CHMP5: variants seen among roughly 807,000 people sequenced by gnomAD.
CHMP5 encodes the protein SNF7 domain containing 2.
A neutral mutation model predicts 33.0 loss-of-function variants in CHMP5; 17 were observed. The ratio of observed to expected loss-of-function variants is 0.52; its 90% CI spans 0.35 to 0.77. The LOEUF (loss-of-function observed/expected upper bound fraction) is 0.77, where lower values mean the gene tolerates loss of function less well. Among genes scored for constraint, CHMP5 ranks in the 30% least tolerant of loss-of-function variants. The pLI is 0.01. For missense variants in CHMP5, 216 were observed against 261.5 expected, an observed-to-expected ratio of 0.83 and a Z score of 1.20; for synonymous variants, 76 against 90.2, an observed-to-expected ratio of 0.84 and a Z score of 0.89.
chr9:33,280,723 G>A lies in CHMP5; in HGVS notation c.610-86G>A, dbSNP rs543851609. 2.1e-5 allele frequency: 26 copies of A among 1,232,464 alleles called. No individual in the cohort carries two copies. The African/African-American group carries it at 3.7e-4, about 17-fold the overall frequency. The allele number at this position is 1,232,464 out of a possible 1,614,324, so 76.3% of individuals were successfully genotyped here. ...TTTGATTGATTAAATACTTGGAAATGAGTTTTAACTATTAAATGTTTGTAA... is the reference window on the plus strand; with the variant it reads ...TTTGATTGATTAAATACTTGGAAATAAGTTTTAACTATTAAATGTTTGTAA... On this transcript the variant is annotated intron_variant, in intron 7 of 7. Transcript: ENST00000223500.
chr9:33,265,282 A>C (rs577123851), intron 1 of CHMP5, 135 bp downstream of exon 1: 35 of 776,220 alleles, frequency 4.5e-5, no homozygotes, highest in African/African-American at 3.4e-4. Context: ...TCTCTATCTC[A>C]CCTTCTCCCC....
At position 33,266,133 on chromosome 9, in the gene CHMP5, G is replaced by C. The variant is rs371624915; in HGVS notation, c.174+19G>C. 1 of 1,536,778 alleles carries C rather than the reference G, an allele frequency of 6.5e-7. No individual in the cohort carries two copies. The highest frequency in any genetic ancestry group is 1.7e-5 in the Admixed American group (1 of 59,716). On this transcript the variant is annotated intron_variant, in intron 2 of 7. Coordinates refer to ENST00000223500, the MANE Select transcript of CHMP5 (RefSeq NM_016410.6). ...TGCAAAGGTAAGGTGGGCAGCAACT[G>C]CTGCACAAGGTGCTGGCAGAGCCTA... is the stretch of plus-strand genomic sequence containing the variant.
rs1229980823 is a variant in CHMP5 at position 33,278,103 on chromosome 9, T to C, written c.497-10T>C. 2 of 1,564,628 alleles carry C rather than the reference T, an allele frequency of 1.3e-6. No homozygotes were observed. Among genetic ancestry groups the C allele is most frequent in the East Asian group, 2.3e-5 (1 of 44,236 alleles). On this transcript the variant is annotated splice_polypyrimidine_tract_variant and intron_variant, in intron 6 of 7. Coordinates refer to ENST00000223500, the MANE Select transcript of CHMP5 (RefSeq NM_016410.6). Reference sequence around the variant, plus strand: ...ACATTTTTTTTAAATGTTGACTGTTTCAATCTCAGAGTTGGATGCACTAGG... The same window carrying C: ...ACATTTTTTTTAAATGTTGACTGTTCCAATCTCAGAGTTGGATGCACTAGG...
rs1230941058 is a variant in CHMP5, at chr9:33,270,307, A to C, written c.222-316A>C. On this transcript the variant is annotated intron_variant, in intron 3 of 7. Coordinates refer to ENST00000223500, the MANE Select transcript of CHMP5 (RefSeq NM_016410.6). ...AGGTGAATAGTGGGCTATACCACCT[A>C]GGTTTGTGTAAATACATTGTCTGAT... 9.2e-5 allele frequency among the ~76,000 whole-genome samples: 14 copies of C among 152,334 alleles called. No individual in the cohort carries two copies. In the East Asian group the frequency reaches 2.5e-3, roughly 27 times the overall value.
rs1175926904 is a variant in CHMP5, at chr9:33,281,859, G to C, written c.*1000G>C. ...GATTGTTAACAATAAAAAAGAAACTGCTTCATTCTTTTCTTGGAAGGTGCC... is the reference window on the plus strand; with the variant it reads ...GATTGTTAACAATAAAAAAGAAACTCCTTCATTCTTTTCTTGGAAGGTGCC... On this transcript the variant is annotated 3_prime_UTR_variant, in exon 8 of 8. Transcript: ENST00000223500. The C allele has an allele frequency of 6.6e-6, 1 of 152,200 alleles. No individual in the cohort carries two copies. The highest frequency in any genetic ancestry group is 1.9e-4 in the East Asian group (1 of 5,206). 9.4% of individuals were successfully genotyped at this position (152,200 alleles called of 1,614,324 possible).
chr9:33,275,791 C>T (rs1820847627), intron 5 of CHMP5, among the ~76,000 whole-genome samples: 1 of 152,162 alleles, frequency 6.6e-6, no homozygotes, highest in African/African-American at 2.4e-5. Flanking sequence ...GGGCAGATCA[C>T]CTGAGGTCAG....
chr9:33,271,097 C>T lies in CHMP5; in HGVS notation c.316-55C>T, dbSNP rs1426535852. On this transcript the variant is annotated intron_variant, in intron 4 of 7. Coordinates refer to ENST00000223500, the MANE Select transcript of CHMP5 (RefSeq NM_016410.6). ...AAATAAATAAATAAATAAATAAAGA[C>T]AATTTAACCAACATGACTTACTAAA... The T allele has an allele frequency of 8.4e-6, 11 of 1,308,020 alleles. No individual in the cohort carries two copies. The East Asian group carries it at 2.1e-4, about 25-fold the overall frequency. 81.0% of individuals were successfully genotyped at this position (1,308,020 alleles called of 1,614,324 possible). A position where few individuals can be genotyped will look rare whatever the true frequency, so the allele number is the denominator to read the frequency against.
At chr9:33,278,726 A>G (rs1820885283) in intron 7 of CHMP5, among the ~76,000 whole-genome samples, 2 of 152,118 alleles carry the variant, frequency 1.3e-5, no homozygotes, top group Admixed American at 1.3e-4. Context: ...AACTTAATGT[A>G]GAAAGATTCT....
Position 33,280,959 on chromosome 9 carries a change from C to G in CHMP5, c.*100C>G. The G allele has an allele frequency of 2.1e-6, 2 of 965,754 alleles. No homozygotes were observed. Among genetic ancestry groups the G allele is most frequent in the Non-Finnish European group, 3.0e-6 (2 of 655,926 alleles). 59.8% of individuals were successfully genotyped at this position (965,754 alleles called of 1,614,324 possible). On this transcript the variant is annotated 3_prime_UTR_variant, in exon 8 of 8. Coordinates refer to ENST00000223500, the MANE Select transcript of CHMP5 (RefSeq NM_016410.6). ...TGCCATAACAGATTTAGGTTTCTTT[C>G]CTTTCTTTGAAGGAAAGTTTAATTA...
intron 3 of CHMP5, among the ~76,000 whole-genome samples, chr9:33,268,945 C>T (rs1820760728): frequency 6.6e-6 from 1 of 152,154 alleles, no homozygotes; most frequent in South Asian, 2.1e-4. Context: ...AATGTTATAT[C>T]ATGAGCATCT....
chr9:33,273,756 A>G (rs1820822046), intron 5 of CHMP5, among the ~76,000 whole-genome samples: 1 of 151,214 alleles, frequency 6.6e-6, no homozygotes, highest in African/African-American at 2.4e-5. Context: ...TTGTTTATAC[A>G]ATAGAGAACC....
At chr9:33,278,763 C>G (rs1242153396) in intron 7 of CHMP5, among the ~76,000 whole-genome samples, 1 of 152,024 alleles carries the variant, frequency 6.6e-6, no homozygotes, top group Non-Finnish European at 1.5e-5. Flanking sequence ...ATCAGAACAC[C>G]TGACACTAAG....
At chr9:33,268,172 C>A (rs1327417873) in intron 3 of CHMP5, among the ~76,000 whole-genome samples, 1 of 152,158 alleles carries the variant, frequency 6.6e-6, no homozygotes, top group East Asian at 1.9e-4. Context: ...TGAAATGTGG[C>A]TAGTGTGACT....
chr9:33,281,066 C>T lies in CHMP5; in HGVS notation c.*207C>T, dbSNP rs1820916552. The T allele has an allele frequency of 4.4e-6, 2 of 450,664 alleles. No homozygotes were observed. The highest frequency in any genetic ancestry group is 7.8e-6 in the Non-Finnish European group (2 of 255,970). The allele number at this position is 450,664 out of a possible 1,614,324, so 27.9% of individuals were successfully genotyped here. A position where few individuals can be genotyped will look rare whatever the true frequency, so the allele number is the denominator to read the frequency against. On this transcript the variant is annotated 3_prime_UTR_variant, in exon 8 of 8. Coordinates refer to ENST00000223500, the MANE Select transcript of CHMP5 (RefSeq NM_016410.6). ...GTACTAAAATTTGATTCCTTTTTTT[C>T]TTATGAAAAACGAACTCAGTTTAAA...
intron 5 of CHMP5, among the ~76,000 whole-genome samples, chr9:33,273,732 T>A (rs796687032): frequency 2.4e-4 from 36 of 151,950 alleles, no homozygotes; most frequent in African/African-American, 7.7e-4. Flanking sequence ...TTTTTTTTTT[T>A]ATATTGCTTT....
intron 3 of CHMP5, among the ~76,000 whole-genome samples, chr9:33,268,559 A>G (rs1238080326): frequency 2.0e-5 from 3 of 152,234 alleles, no homozygotes; most frequent in South Asian, 2.1e-4. Context: ...CTATATTAAA[A>G]TGACTTTTTA....
intron 6 of CHMP5, 32 bp from the exon 7 acceptor site, chr9:33,278,080 AT>A (rs776234629): frequency 7.4e-5 from 106 of 1,428,116 alleles, no homozygotes; most frequent in Middle Eastern, 2.4e-4. Flanking sequence ...TCTTGGTTAC[AT>A]TTTTTTTAAA....
chr9:33,265,964 A>T (rs999047683), intron 1 of CHMP5, 46 bp from the exon 2 acceptor site: 7 of 1,234,364 alleles, frequency 5.7e-6, no homozygotes, highest in Non-Finnish European at 7.2e-6. Context: ...CTTCTGGAAT[A>T]AGTGTATTGC....
chr9:33,276,506 A>G lies in CHMP5; in HGVS notation c.438A>G (p.Gln146=). The change falls in exon 6 of 8, where the codon CAA becomes CAG. Residue 146 remains glutamine (Q), a synonymous_variant. Coordinates refer to ENST00000223500, the MANE Select transcript of CHMP5 (RefSeq NM_016410.6). ...TGATGGAAGATGCAAATGAAATCCA[A>G]GAAGCACTGAGTCGCAGTTATGGCA... The part of the protein sequence containing the change: ...EDMMEDANEI[Q]EALSRSYGTP... 1.9e-6 allele frequency: 3 copies of G among 1,612,550 alleles called. No homozygotes were observed. The highest frequency in any genetic ancestry group is 1.3e-5 in the African/African-American group (1 of 75,026).
Sources: allele counts gnomAD v4.1 joint callset (sites outside exome capture counted in the v4.1 genomes callset), GRCh38; gene constraint gnomAD v4.1.1; transcripts MANE v1.5; gene names NCBI Gene and HGNC (gene_info 2026-07-23, HGNC 2026-07-21).